Variants in RAPGEF2 observed in about 807,000 individuals in gnomAD.
RAPGEF2 encodes the protein Rap guanine nucleotide exchange factor 2, also known as PDZ domain containing guanine nucleotide exchange factor (GEF) 1.
In RAPGEF2, 54 loss-of-function variants were observed where a neutral mutation model predicts 186.7. The observed-to-expected ratio is 0.29, with a 90% CI of 0.23 to 0.36. RAPGEF2 has a LOEUF of 0.36. RAPGEF2 is among the 10% of genes least tolerant of loss of function. RAPGEF2 has a pLI of 1.00. For missense variants in RAPGEF2, 1,532 were observed against 2,045.0 expected (o/e 0.75, Z 4.84); for synonymous variants, 712 against 705.9 (o/e 1.01, Z -0.14).
chr4:159,320,623 A>G (rs1339802780), intron 9 of RAPGEF2, among the ~76,000 whole-genome samples: 1 of 152,062 alleles, frequency 6.6e-6, no homozygotes, highest in Non-Finnish European at 1.5e-5. Flanking sequence ...AAAGTCTTAT[A>G]TAGGAGGGAT....
chr4:159,127,643 A>G (rs987973627), intron 1 of RAPGEF2, among the ~76,000 whole-genome samples: 4 of 152,216 alleles, frequency 2.6e-5, no homozygotes, highest in African/African-American at 7.2e-5. Context: ...AACTACCTTT[A>G]TGACCTTTAT....
In RAPGEF2 at chr4:159,304,452, C is replaced by T; in HGVS notation, c.654C>T (p.Ser218=). The part of the protein sequence containing the change: ...GCSITSDSGS[S]SLSDIYQATE... ...GTATCACTAGTGATTCTGGGAGCAG[C>T]AGTCTTTCTGATATCTACCAGGTAA... The change falls in exon 8 of 30, where the codon AGC becomes AGT. Residue 218 remains serine, a synonymous_variant. Transcript: ENST00000691494. 1 of 1,605,682 alleles carries T rather than the reference C, an allele frequency of 6.2e-7. No homozygotes were observed. Among genetic ancestry groups the T allele is most frequent in the Non-Finnish European group, 8.5e-7 (1 of 1,172,962 alleles).
chr4:159,120,937 C>G (rs768331394), intron 1 of RAPGEF2, among the ~76,000 whole-genome samples: 5 of 152,082 alleles, frequency 3.3e-5, no homozygotes, highest in Non-Finnish European at 5.9e-5. Flanking sequence ...TCACTGCAAC[C>G]TCTGCCTCCT....
At chr4:159,123,021 T>A (rs1159887251) in intron 1 of RAPGEF2, among the ~76,000 whole-genome samples, 10 of 145,170 alleles carry the variant, frequency 6.9e-5, no homozygotes, top group Non-Finnish European at 1.5e-4. Flanking sequence ...AAATGTATTT[T>A]CTCTTCCTTA....
intron 24 of RAPGEF2, 64 bp downstream of exon 24, chr4:159,345,393 G>A: frequency 2.7e-6 from 4 of 1,468,604 alleles, no homozygotes; most frequent in Non-Finnish European, 3.8e-6. Context: ...CCTGTGCAGT[G>A]GTATGGGCAG....
chr4:159,152,637 A>G (rs1743677612), intron 1 of RAPGEF2, among the ~76,000 whole-genome samples: 1 of 152,054 alleles, frequency 6.6e-6, no homozygotes, highest in Admixed American at 6.6e-5. Flanking sequence ...TGGTTTTTTT[A>G]GATGGAATCT....
chr4:159,132,869 T>G (rs2111136897), intron 1 of RAPGEF2, among the ~76,000 whole-genome samples: 1 of 151,486 alleles, frequency 6.6e-6, no homozygotes, highest in African/African-American at 2.4e-5. Context: ...ATATTTTAAA[T>G]ATTATATACT....
chr4:159,188,390 G>A (rs909701270), intron 2 of RAPGEF2, among the ~76,000 whole-genome samples: 17 of 152,166 alleles, frequency 1.1e-4, no homozygotes, highest in Admixed American at 4.6e-4. Context: ...TAGGCTGGGC[G>A]TGGTGGCTCA....
chr4:159,117,817 C>T (rs769576784), intron 1 of RAPGEF2, among the ~76,000 whole-genome samples: 1 of 152,104 alleles, frequency 6.6e-6, no homozygotes, highest in Non-Finnish European at 1.5e-5. Flanking sequence ...TGTTCATCAC[C>T]TATTTACTAT....
At chr4:159,273,816 G>A (rs1402640416) in intron 7 of RAPGEF2, among the ~76,000 whole-genome samples, 1 of 151,810 alleles carries the variant, frequency 6.6e-6, no homozygotes. Context: ...TTTTCGAGAT[G>A]GAGTCTCGCT....
intron 1 of RAPGEF2, among the ~76,000 whole-genome samples, chr4:159,170,205 T>G (rs1745763160): frequency 6.6e-6 from 1 of 152,164 alleles, no homozygotes; most frequent in Non-Finnish European, 1.5e-5. Flanking sequence ...TTTGTAGTCT[T>G]TTGAGAAATG....
chr4:159,205,009 T>TA (rs1016668677), intron 3 of RAPGEF2, among the ~76,000 whole-genome samples: 23 of 151,796 alleles, frequency 1.5e-4, no homozygotes, highest in Non-Finnish European at 2.6e-4. Flanking sequence ...CTCATAATTT[T>TA]AAAAAAAAAT....
At chr4:159,257,494 C>A (rs1205654617) in intron 7 of RAPGEF2, among the ~76,000 whole-genome samples, 2 of 152,168 alleles carry the variant, frequency 1.3e-5, no homozygotes, top group African/African-American at 4.8e-5. Flanking sequence ...CCTACCAAGT[C>A]CCTCTCACAA....
At chr4:159,355,660 A>G (rs933754092) in intron 28 of RAPGEF2, among the ~76,000 whole-genome samples, 193 bp from the exon 29 acceptor site, 1 of 152,168 alleles carries the variant, frequency 6.6e-6, no homozygotes, top group Admixed American at 6.5e-5. Context: ...ACACAAAGAT[A>G]ACATCATTGT....
intron 7 of RAPGEF2, among the ~76,000 whole-genome samples, chr4:159,269,064 A>G (rs1362861102): frequency 1.3e-5 from 2 of 152,220 alleles, no homozygotes; most frequent in Non-Finnish European, 2.9e-5. Context: ...TTATTAAAGT[A>G]TAGGAATTGT....
intron 7 of RAPGEF2, among the ~76,000 whole-genome samples, chr4:159,273,054 G>C (rs1758313230): frequency 6.6e-6 from 1 of 152,130 alleles, no homozygotes; most frequent in African/African-American, 2.4e-5. Context: ...TAGAAAAAAA[G>C]CACCAGGACT....
intron 1 of RAPGEF2, among the ~76,000 whole-genome samples, chr4:159,176,290 AG>A (rs1386301579): frequency 6.6e-6 from 1 of 152,178 alleles, no homozygotes; most frequent in Non-Finnish European, 1.5e-5. Context: ...CAGTGTTAGC[AG>A]ATACGTGCTC....
intron 7 of RAPGEF2, among the ~76,000 whole-genome samples, chr4:159,283,476 G>A (rs1579755802): frequency 6.6e-6 from 1 of 152,080 alleles, no homozygotes; most frequent in Admixed American, 6.5e-5. Context: ...ATTTGATAAT[G>A]TGTGAATTCA....
In RAPGEF2 at chr4:159,345,310, T is replaced by G; in HGVS notation, c.3483T>G (p.Cys1161Trp). ...GTCTTCAGACATTATCTCTGCAGTGTGAGCCAGCAACCAACACATGTGAGT... is the reference window on the plus strand; with the variant it reads ...GTCTTCAGACATTATCTCTGCAGTGGGAGCCAGCAACCAACACATGTGAGT... ...EESLQTLSLQ[C>W]EPATNTLPKN... is the part of the protein sequence containing the mutation. The change falls in exon 24 of 30, where the codon TGT (cysteine) becomes TGG (tryptophan). Residue 1161 changes from cysteine to tryptophan, a missense_variant. By Grantham distance (215) the Cys-to-Trp change is radical (BLOSUM62 -2). Around this residue, in one of 4 missense-constraint regions of RAPGEF2, gnomAD observed 117 missense variants for 180.8 expected, o/e 0.65. Coordinates refer to ENST00000691494, the MANE Select transcript of RAPGEF2 (RefSeq NM_001394067.2). 6.2e-7 allele frequency: 1 copy of G among 1,614,132 alleles called. No individual in the cohort carries two copies. The highest frequency in any genetic ancestry group is 8.5e-7 in the Non-Finnish European group (1 of 1,180,020).
Sources: gnomAD v4.1 joint callset for allele counts (sites outside exome capture counted in the v4.1 genomes callset) on GRCh38, gnomAD v4.1.1 for gene constraint, gnomAD v4.1.1 regional missense constraint, MANE v1.5 for transcripts, NCBI Gene and HGNC (gene_info 2026-07-23, HGNC 2026-07-21) for gene names.